Variants in RBM19 observed in about 807,000 individuals in gnomAD.
RBM19 encodes probable RNA-binding protein 19.
RBM19 carries 94 observed loss-of-function variants against 116.8 expected under a neutral mutation model. The ratio of observed to expected loss-of-function variants is 0.80; its 90% CI spans 0.68 to 0.95. The LOEUF is 0.95. Among genes scored for constraint, RBM19 ranks in the 40% least tolerant of loss-of-function variants. The pLI, the probability that RBM19 is intolerant of heterozygous loss-of-function variation, is 0.00. For synonymous variants in RBM19, 475 were observed against 494.1 expected (o/e 0.96, Z 0.51); for missense variants, 1,161 against 1,220.7 (o/e 0.95, Z 0.73).
chr12:113,955,793 G>A (rs145182057), intron 6 of RBM19, among the ~76,000 whole-genome samples: 11 of 152,298 alleles, frequency 7.2e-5, no homozygotes, highest in African/African-American at 1.7e-4. Context: ...GCTGATTCAC[G>A]CAGCGCAAGC....
At chr12:113,939,520 C>A (rs892243254) in intron 15 of RBM19, among the ~76,000 whole-genome samples, 12 of 151,546 alleles carry the variant, frequency 7.9e-5, no homozygotes, top group Middle Eastern at 3.4e-3. Flanking sequence ...GAGGCTGAGG[C>A]GGGCGGATCA....
chr12:113,910,556 C>G (rs1158610543), intron 21 of RBM19, among the ~76,000 whole-genome samples: 1 of 152,202 alleles, frequency 6.6e-6, no homozygotes, highest in African/African-American at 2.4e-5. Flanking sequence ...CCAGGTGGCT[C>G]AAACAAGGCT....
chr12:113,879,041 C>A (rs1394434289), intron 21 of RBM19, among the ~76,000 whole-genome samples: 1 of 152,156 alleles, frequency 6.6e-6, no homozygotes, highest in Non-Finnish European at 1.5e-5. Flanking sequence ...AGTGTGGCTG[C>A]AGCTGTGGTG....
intron 16 of RBM19, among the ~76,000 whole-genome samples, chr12:113,934,831 G>A (rs927477026): frequency 1.3e-5 from 2 of 148,238 alleles, no homozygotes; most frequent in Non-Finnish European, 3.0e-5. Context: ...AGCTTCTACT[G>A]TGTGCCAGAG....
At chr12:113,847,471 C>A (rs187768837) in intron 22 of RBM19, among the ~76,000 whole-genome samples, 1 of 151,994 alleles carries the variant, frequency 6.6e-6, no homozygotes, top group Non-Finnish European at 1.5e-5. Context: ...TTAAAACACA[C>A]GCGTTCTCAG....
rs1872282193 is a variant in RBM19, at chr12:113,959,383, G to C, written c.400C>G (p.Gln134Glu). 3 of 1,608,582 alleles carry C rather than the reference G, an allele frequency of 1.9e-6. No individual in the cohort carries two copies. Among genetic ancestry groups the C allele is most frequent in the Non-Finnish European group, 2.6e-6 (3 of 1,175,312 alleles). ...CTCTGATGAACTGACAGAAACTCCT[G>C]GAACTCTGTATCCTCCTTCAGCTGG... The part of the protein sequence containing the change: ...LEKLKEDTEF[Q>E]EFLSVHQRRA... The change falls in exon 5 of 24, where the codon CAG becomes GAG. Residue 134 changes from glutamine to glutamate, a missense_variant. Gln to Glu is a conservative substitution (Grantham distance 29). Transcript: ENST00000261741.
intron 23 of RBM19, among the ~76,000 whole-genome samples, chr12:113,830,166 C>T (rs1875246856): frequency 6.6e-6 from 1 of 152,144 alleles, no homozygotes; most frequent in Non-Finnish European, 1.5e-5. Flanking sequence ...GCCCAGCCTC[C>T]CTAGGATGGG....
chr12:113,851,491 AC>A (rs1877440958), intron 22 of RBM19, among the ~76,000 whole-genome samples: 1 of 152,198 alleles, frequency 6.6e-6, no homozygotes, highest in Non-Finnish European at 1.5e-5. Flanking sequence ...GCACCAAGCC[AC>A]AAGGCCACGG....
chr12:113,911,200 C>T (rs1454999827), intron 21 of RBM19, among the ~76,000 whole-genome samples: 1 of 152,132 alleles, frequency 6.6e-6, no homozygotes, highest in Non-Finnish European at 1.5e-5. Flanking sequence ...TTTGTGTGTA[C>T]ATGCATACTT....
intron 2 of RBM19, among the ~76,000 whole-genome samples, chr12:113,961,973 C>T (rs1872534399): frequency 6.6e-6 from 1 of 152,244 alleles, no homozygotes; most frequent in South Asian, 2.1e-4. Flanking sequence ...TGGTCGTCAC[C>T]TGAGGGCTTG....
chr12:113,930,038 T>C (rs1465687657), intron 16 of RBM19, among the ~76,000 whole-genome samples: 4 of 152,250 alleles, frequency 2.6e-5, no homozygotes, highest in Admixed American at 1.3e-4. Flanking sequence ...TCAGATCTAT[T>C]AAGAGAAGTA....
At chr12:113,908,628 T>C (rs997144102) in intron 21 of RBM19, among the ~76,000 whole-genome samples, 2 of 116,972 alleles carry the variant, frequency 1.7e-5, no homozygotes. Context: ...AGGAGAAAAG[T>C]AGCTCTCCAT....
chr12:113,842,657 T>C (rs1001869799), intron 23 of RBM19, among the ~76,000 whole-genome samples: 4 of 151,678 alleles, frequency 2.6e-5, no homozygotes, highest in Non-Finnish European at 5.9e-5. Context: ...TAACAAATCG[T>C]AAAGAAATAA....
At chr12:113,851,802 C>T (rs1877470727) in intron 22 of RBM19, among the ~76,000 whole-genome samples, 1 of 150,988 alleles carries the variant, frequency 6.6e-6, no homozygotes, top group African/African-American at 2.4e-5. Flanking sequence ...GTAATCCCAG[C>T]ACTTTGGGAA....
At chr12:113,840,448 C>T (rs914481179) in intron 23 of RBM19, among the ~76,000 whole-genome samples, 1 of 152,364 alleles carries the variant, frequency 6.6e-6, no homozygotes, top group African/African-American at 2.4e-5. Context: ...AAACATAACC[C>T]CTACCTCTGG....
intron 22 of RBM19, among the ~76,000 whole-genome samples, chr12:113,856,305 G>A (rs1593489579): frequency 6.6e-6 from 1 of 152,322 alleles, no homozygotes; most frequent in African/African-American, 2.4e-5. Flanking sequence ...TGCCAAGTGC[G>A]AGCCACCTGG....
chr12:113,957,499 G>A (rs1322109349), intron 6 of RBM19, among the ~76,000 whole-genome samples: 6 of 152,046 alleles, frequency 3.9e-5, no homozygotes, highest in South Asian at 2.1e-4. Context: ...CCCAGGAGGC[G>A]GAGGTTGCAG....
intron 13 of RBM19, among the ~76,000 whole-genome samples, 180 bp downstream of exon 13, chr12:113,945,648 G>A (rs565941811): frequency 1.3e-5 from 2 of 152,330 alleles, no homozygotes; most frequent in Admixed American, 1.3e-4. Context: ...GCCTGGCTGG[G>A]GATGTTTCCA....
intron 20 of RBM19, among the ~76,000 whole-genome samples, chr12:113,916,989 G>A (rs1566015345): frequency 1.3e-5 from 2 of 152,352 alleles, no homozygotes; most frequent in Middle Eastern, 3.4e-3. Flanking sequence ...TATCTCAAGA[G>A]CTAAATAGCC....
Sources: gnomAD v4.1 joint callset for allele counts (sites outside exome capture counted in the v4.1 genomes callset) on GRCh38, gnomAD v4.1.1 for gene constraint, MANE v1.5 for transcripts, NCBI Gene and HGNC (gene_info 2026-07-23, HGNC 2026-07-21) for gene names.